ARID1B: variants seen among roughly 807,000 people sequenced by gnomAD.
ARID1B encodes AT-rich interactive domain-containing protein 1B.
A neutral mutation model predicts 212.3 loss-of-function variants in ARID1B; 30 were observed. That is an observed-to-expected ratio of 0.14 (90% CI 0.11 to 0.19). ARID1B has a LOEUF of 0.19. ARID1B is among the 10% of genes least tolerant of loss of function. ARID1B has a pLI of 1.00. For synonymous variants in ARID1B, 1,402 were observed against 1,301.7 expected (o/e 1.08, Z -1.66); for missense variants, 2,891 against 3,204.0 (o/e 0.90, Z 2.36).
intron 2 of ARID1B, among the ~76,000 whole-genome samples, chr6:156,876,446 G>A (rs951412848): frequency 2.0e-5 from 3 of 152,142 alleles, no homozygotes; most frequent in African/African-American, 2.4e-5. Context: ...CACTCAGCCC[G>A]AGACTCACTG....
intron 2 of ARID1B, among the ~76,000 whole-genome samples, chr6:156,890,794 A>G (rs919786452): frequency 2.0e-5 from 3 of 152,260 alleles, no homozygotes; most frequent in Admixed American, 1.3e-4. Context: ...TTTAGTATAC[A>G]GTGCATACAG....
intron 4 of ARID1B, among the ~76,000 whole-genome samples, chr6:157,016,486 A>C (rs1180698314): frequency 1.3e-5 from 2 of 152,240 alleles, no homozygotes; most frequent in Non-Finnish European, 2.9e-5. Context: ...TGTTTTGTTC[A>C]ATGTTGTTTC....
At chr6:157,128,982 G>C (rs935912748) in intron 6 of ARID1B, among the ~76,000 whole-genome samples, 1 of 152,186 alleles carries the variant, frequency 6.6e-6, no homozygotes, top group Admixed American at 6.5e-5. Flanking sequence ...CCAAGTGCTG[G>C]AGTAATGTGG....
At chr6:156,863,433 A>G (rs1355892062) in intron 2 of ARID1B, among the ~76,000 whole-genome samples, 1 of 152,196 alleles carries the variant, frequency 6.6e-6, no homozygotes, top group Admixed American at 6.5e-5. Flanking sequence ...TCTCTCAGCC[A>G]AGAGCCTGAG....
chr6:156,849,543 G>A (rs915562384), intron 2 of ARID1B, among the ~76,000 whole-genome samples: 14 of 152,290 alleles, frequency 9.2e-5, no homozygotes, highest in South Asian at 4.1e-4. Flanking sequence ...CTGCATTTAC[G>A]TAGTCTAAAA....
At chr6:156,968,553 C>T (rs747005720) in intron 4 of ARID1B, among the ~76,000 whole-genome samples, 1 of 152,190 alleles carries the variant, frequency 6.6e-6, no homozygotes, top group African/African-American at 2.4e-5. Flanking sequence ...CACCCAGCTC[C>T]CACTGATTTC....
Position 157,039,956 on chromosome 6 carries a change from T to C in ARID1B, c.2248-44706T>C, listed in dbSNP as rs540123219. ...CTTTCTTTCTTTTTTCTGTCTTCTTTTTTTTTCTTTCCAAGACGGAGTCTC... is the reference window on the plus strand; with the variant it reads ...CTTTCTTTCTTTTTTCTGTCTTCTTCTTTTTTCTTTCCAAGACGGAGTCTC... On this transcript the variant is annotated intron_variant, in intron 4 of 19. Coordinates refer to ENST00000636930, the MANE Select transcript of ARID1B (RefSeq NM_001374828.1). Among the ~76,000 whole-genome samples the C allele has an allele frequency of 5.9e-5, 9 of 151,402 alleles. No individual in the cohort carries two copies. The East Asian group carries it at 9.7e-4, about 16-fold the overall frequency.
intron 2 of ARID1B, among the ~76,000 whole-genome samples, chr6:156,849,531 A>G (rs1401341284): frequency 6.6e-6 from 1 of 152,242 alleles, no homozygotes; most frequent in African/African-American, 2.4e-5. Context: ...AGAGAGAAGC[A>G]TCTGCATTTA....
chr6:156,925,633 G>T (rs561854888), intron 3 of ARID1B, among the ~76,000 whole-genome samples: 1 of 152,234 alleles, frequency 6.6e-6, no homozygotes, highest in Non-Finnish European at 1.5e-5. Context: ...TAGTTTATTA[G>T]AAGGAATATG....
chr6:157,186,347 C>T (rs1792972822), intron 13 of ARID1B: 1 of 439,846 alleles, frequency 2.3e-6, no homozygotes, highest in South Asian at 1.6e-5. Flanking sequence ...GGTATACATT[C>T]TTCTCAGTAG....
chr6:156,808,021 C>CGTG (rs1269697172), intron 1 of ARID1B, among the ~76,000 whole-genome samples: 2 of 152,168 alleles, frequency 1.3e-5, no homozygotes, highest in Non-Finnish European at 2.9e-5. Flanking sequence ...AACATCTTAC[C>CGTG]ATGAGTGTGC....
chr6:156,778,245 C>G lies in ARID1B; in HGVS notation c.565C>G (p.Leu189Val), dbSNP rs1454732216. Residue 189 changes from leucine (L) to valine (V), a missense_variant, in exon 1 of 20, where the codon CTA becomes GTA. By Grantham distance (32) the Leu-to-Val change is conservative. This residue lies in a region of ARID1B where 1,643 missense variants were observed against 1,544.0 expected (regional missense o/e 1.06). Transcript: ENST00000636930. The part of the protein sequence containing the change: ...HAHHLHHHHA[L>V]QQQLNQFQQQ... ...CCACCACCTCCACCACCACCACGCA[C>G]TACAGCAGCAGCTAAACCAGTTCCA... The G allele has an allele frequency of 6.5e-7, 1 of 1,542,030 alleles. No individual in the cohort carries two copies. The highest frequency in any genetic ancestry group is 1.4e-5 in the African/African-American group (1 of 73,004).
At chr6:156,879,058 T>G (rs6909258) in intron 2 of ARID1B, among the ~76,000 whole-genome samples, 3,839 of 152,294 alleles carry the variant, frequency 0.025, 147 homozygotes, top group African/African-American at 0.087. Context: ...CTGACTCCAG[T>G]GCCCATGGAG....
chr6:157,153,122 CTG>C (rs900164459), intron 8 of ARID1B, among the ~76,000 whole-genome samples: 145 of 152,338 alleles, frequency 9.5e-4, no homozygotes, highest in African/African-American at 3.4e-3. Context: ...TGGTTAGAAA[CTG>C]TTTTATTAAT....
intron 12 of ARID1B, among the ~76,000 whole-genome samples, chr6:157,181,898 C>G (rs1327314630): frequency 2.6e-5 from 4 of 152,194 alleles, no homozygotes; most frequent in African/African-American, 9.7e-5. Flanking sequence ...CTTTGTCTTT[C>G]TAAATACATG....
chr6:156,869,756 T>C (rs1309712128), intron 2 of ARID1B, among the ~76,000 whole-genome samples: 3 of 152,196 alleles, frequency 2.0e-5, no homozygotes, highest in Non-Finnish European at 4.4e-5. Flanking sequence ...ATATCAAATT[T>C]TATATGCCCA....
At chr6:157,127,480 T>C (rs1788209190) in intron 6 of ARID1B, among the ~76,000 whole-genome samples, 1 of 150,792 alleles carries the variant, frequency 6.6e-6, no homozygotes, top group Non-Finnish European at 1.5e-5. Flanking sequence ...TATGGTGAAA[T>C]CCCGTCTCTA....
intron 6 of ARID1B, among the ~76,000 whole-genome samples, chr6:157,123,238 G>GCCCC (rs145123304): frequency 1.6e-3 from 133 of 83,560 alleles, no homozygotes; most frequent in South Asian, 3.0e-3. Context: ...CCCGCCCCCC[G>GCCCC]CCCCCCCCCC....
intron 4 of ARID1B, chr6:156,976,928 C>CA (rs1330800473): frequency 1.8e-6 from 1 of 554,650 alleles, no homozygotes; most frequent in African/African-American, 1.9e-5. Flanking sequence ...ATGTGCAACT[C>CA]AAAGATCTAG....
Sources: allele counts gnomAD v4.1 joint callset (sites outside exome capture counted in the v4.1 genomes callset), GRCh38; gene constraint gnomAD v4.1.1; regional missense constraint gnomAD v4.1.1; transcripts MANE v1.5; gene names NCBI Gene and HGNC (gene_info 2026-07-23, HGNC 2026-07-21).